Variants in GPC5 observed in about 807,000 individuals in gnomAD.
GPC5 encodes glypican 5.
GPC5 carries 47 observed loss-of-function variants against 53.9 expected under a neutral mutation model. That is an observed-to-expected ratio of 0.87 (90% CI 0.69 to 1.11). The LOEUF is 1.11. Ranked by LOEUF, GPC5 falls within the 50% of genes most tolerant of loss-of-function variation. The pLI is 0.00. For synonymous variants in GPC5, 286 were observed against 263.3 expected (o/e 1.09, Z -0.84); for missense variants, 748 against 713.1 (o/e 1.05, Z -0.56).
chr13:92,661,625 T>C (rs184318272), intron 7 of GPC5, among the ~76,000 whole-genome samples: 93 of 152,238 alleles, frequency 6.1e-4, no homozygotes, highest in African/African-American at 2.2e-3. Flanking sequence ...AATATTCTCC[T>C]ATTGCTCAAC....
chr13:91,602,007 G>C (rs1018285444), intron 2 of GPC5, among the ~76,000 whole-genome samples: 2 of 152,150 alleles, frequency 1.3e-5, no homozygotes, highest in African/African-American at 4.8e-5. Context: ...CAGTCAACAA[G>C]ACAAATATTA....
rs1198354937 is a variant in GPC5, at chr13:92,088,065, C to T, written c.1402-56765C>T. On this transcript the variant is annotated intron_variant, in intron 6 of 7. Transcript: ENST00000377067. Reference sequence around the variant, plus strand: ...GATTACAGGTGTGAGCCACCACAGCCGGGCCCCAACTACAATCTTGCCGTC... The same window carrying T: ...GATTACAGGTGTGAGCCACCACAGCTGGGCCCCAACTACAATCTTGCCGTC... 2.1e-4 allele frequency among the ~76,000 whole-genome samples: 32 copies of T among 152,080 alleles called. 2 individuals carry two copies. Among genetic ancestry groups the T allele is most frequent in the Admixed American group, 9.8e-4 (15 of 15,276 alleles).
intron 1 of GPC5, among the ~76,000 whole-genome samples, chr13:91,435,211 C>T (rs1879830247): frequency 6.6e-6 from 1 of 152,216 alleles, no homozygotes; most frequent in Admixed American, 6.5e-5. Flanking sequence ...CTGGCCAGAA[C>T]TTCCAACACT....
intron 7 of GPC5, among the ~76,000 whole-genome samples, chr13:92,309,768 T>C (rs2043133663): frequency 6.6e-6 from 1 of 152,118 alleles, no homozygotes; most frequent in Admixed American, 6.5e-5. Flanking sequence ...TAAAATCTAT[T>C]ATCTGAGCAA....
At chr13:92,112,121 A>C (rs955034010) in intron 6 of GPC5, among the ~76,000 whole-genome samples, 2 of 152,298 alleles carry the variant, frequency 1.3e-5, no homozygotes, top group Admixed American at 1.3e-4. Context: ...GTTTGAGTGG[A>C]AGGTAACAAT....
chr13:92,799,147 A>G (rs965882972), intron 7 of GPC5, among the ~76,000 whole-genome samples: 1 of 151,822 alleles, frequency 6.6e-6, no homozygotes, highest in Admixed American at 6.6e-5. Flanking sequence ...GTAAATGAGG[A>G]TATTTAGATA....
chr13:92,120,528 G>T (rs1594771194), intron 6 of GPC5, among the ~76,000 whole-genome samples: 1 of 152,206 alleles, frequency 6.6e-6, no homozygotes, highest in South Asian at 2.1e-4. Context: ...TAGGATTACA[G>T]GTGCGAGCCA....
chr13:91,701,931 C>G (rs1012338398), intron 3 of GPC5, among the ~76,000 whole-genome samples: 1 of 152,092 alleles, frequency 6.6e-6, no homozygotes, highest in African/African-American at 2.4e-5. Flanking sequence ...CAAGTTTCCC[C>G]CTTTCTCCAC....
At chr13:92,106,149 T>G (rs1221780883) in intron 6 of GPC5, among the ~76,000 whole-genome samples, 2 of 152,016 alleles carry the variant, frequency 1.3e-5, no homozygotes, top group Non-Finnish European at 2.9e-5. Context: ...TCATAAGTTA[T>G]CTATGTGTTT....
intron 7 of GPC5, among the ~76,000 whole-genome samples, chr13:92,379,110 T>C (rs1375103954): frequency 6.6e-6 from 1 of 152,208 alleles, no homozygotes; most frequent in Non-Finnish European, 1.5e-5. Flanking sequence ...GAAACCAGTT[T>C]ATTAATTTGG....
At chr13:92,679,950 T>C (rs567249180) in intron 7 of GPC5, among the ~76,000 whole-genome samples, 8 of 132,188 alleles carry the variant, frequency 6.1e-5, no homozygotes, top group Non-Finnish European at 1.1e-4. Context: ...TTTAACTGGC[T>C]GAACTAAGCA....
chr13:92,195,902 G>T (rs1462051452), intron 7 of GPC5, among the ~76,000 whole-genome samples: 1 of 152,042 alleles, frequency 6.6e-6, no homozygotes, highest in African/African-American at 2.4e-5. Flanking sequence ...GACTCAGAAG[G>T]GGGCTCTGAG....
intron 6 of GPC5, among the ~76,000 whole-genome samples, chr13:91,915,311 G>A (rs893921325): frequency 3.3e-5 from 5 of 151,896 alleles, no homozygotes; most frequent in African/African-American, 1.2e-4. Context: ...TGGAATGGGT[G>A]GTATAATGCA....
intron 7 of GPC5, among the ~76,000 whole-genome samples, chr13:92,371,121 G>A (rs1363210054): frequency 1.3e-5 from 2 of 152,236 alleles, no homozygotes; most frequent in Non-Finnish European, 2.9e-5. Context: ...CTGTACTCCA[G>A]CCTGGGCAAC....
intron 7 of GPC5, among the ~76,000 whole-genome samples, chr13:92,222,976 T>C (rs2139090214): frequency 6.6e-6 from 1 of 152,236 alleles, no homozygotes; most frequent in African/African-American, 2.4e-5. Flanking sequence ...TTTAGGTTTA[T>C]TGAAAAATAT....
At chr13:91,820,995 A>T (rs973276815) in intron 5 of GPC5, among the ~76,000 whole-genome samples, 2 of 152,120 alleles carry the variant, frequency 1.3e-5, no homozygotes, top group African/African-American at 2.4e-5. Flanking sequence ...ATAAAAAAAA[A>T]AAAGAATGTA....
At chr13:91,597,188 AT>A (rs1266688877) in intron 2 of GPC5, among the ~76,000 whole-genome samples, 3 of 152,024 alleles carry the variant, frequency 2.0e-5, no homozygotes, top group Non-Finnish European at 4.4e-5. Context: ...TGGTTCCCAT[AT>A]TTTGTTATCT....
At chr13:92,323,490 T>C (rs1329751868) in intron 7 of GPC5, among the ~76,000 whole-genome samples, 1 of 151,692 alleles carries the variant, frequency 6.6e-6, no homozygotes, top group African/African-American at 2.4e-5. Context: ...AGAGCTGGCA[T>C]GCTTTAGGCA....
chr13:91,538,838 C>G (rs1000152973), intron 2 of GPC5, among the ~76,000 whole-genome samples: 2 of 147,948 alleles, frequency 1.4e-5, no homozygotes, highest in African/African-American at 2.5e-5. Context: ...CCGCCCCCCC[C>G]TCAGCCTCCC....
Sources: gnomAD v4.1 joint callset for allele counts (sites outside exome capture counted in the v4.1 genomes callset) on GRCh38, gnomAD v4.1.1 for gene constraint, MANE v1.5 for transcripts, NCBI Gene and HGNC (gene_info 2026-07-23, HGNC 2026-07-21) for gene names.